Variants in ADCY8 observed in about 807,000 individuals in gnomAD.
The protein encoded by ADCY8 is adenylate cyclase 8.
Under a neutral mutation model 119.7 loss-of-function variants are expected in ADCY8, and 51 were observed. That is an observed-to-expected ratio of 0.43 (90% confidence interval 0.34 to 0.54). The LOEUF (loss-of-function observed/expected upper bound fraction) is 0.54. Ranked by LOEUF, ADCY8 falls within the 20% of genes least tolerant of loss-of-function variation. The pLI is 0.03. For synonymous variants in ADCY8, 665 were observed against 651.0 expected (o/e 1.02, Z -0.33); for missense variants, 1,383 against 1,598.8 (o/e 0.87, Z 2.30).
intron 1 of ADCY8, among the ~76,000 whole-genome samples, chr8:131,029,988 C>A (rs1823947923): frequency 6.6e-6 from 1 of 152,088 alleles, no homozygotes; most frequent in African/African-American, 2.4e-5. Context: ...GCTAGAGACA[C>A]AAAGATGGAT....
At chr8:130,953,174 A>C (rs1454448898) in intron 2 of ADCY8, among the ~76,000 whole-genome samples, 2 of 152,162 alleles carry the variant, frequency 1.3e-5, no homozygotes, top group Non-Finnish European at 2.9e-5. Context: ...TGAATAATAG[A>C]AAATAGGGTA....
rs76347898 is a variant in ADCY8 at position 131,011,788 on chromosome 8, C to A, written c.961-21246G>T. The stretch of plus-strand genomic sequence containing the variant: ...AAACCGTGGGATCCTCTGGTTCCAA[C>A]ACTGACTCTACCCCCCAGAAGCTGA... On this transcript the variant is annotated intron_variant, in intron 1 of 17. Transcript: ENST00000286355. Among the ~76,000 whole-genome samples, 1,501 of 152,242 alleles carry A rather than the reference C, an allele frequency of 9.9e-3. 29 individuals carry two copies. Among genetic ancestry groups the A allele is most frequent in the African/African-American group, 0.034 (1,427 of 41,538 alleles).
chr8:130,803,256 G>A (rs1046538730), intron 14 of ADCY8, among the ~76,000 whole-genome samples: 12 of 152,242 alleles, frequency 7.9e-5, no homozygotes, highest in East Asian at 7.7e-4. Flanking sequence ...TTCTGCCTCC[G>A]CTAACCATTT....
At position 130,846,888 on chromosome 8, in the gene ADCY8, T is replaced by TTTCCTTCCTTCCTTCC. The variant is rs767208726; in HGVS notation, c.2502+520_2502+535dup. On this transcript the variant is annotated intron_variant, in intron 11 of 17. Coordinates refer to ENST00000286355, the MANE Select transcript of ADCY8 (RefSeq NM_001115.3). ...CTCCCTTCCCTTCCCTTCCCTTCCC[T>TTTCCTTCCTTCCTTCC]TTCCTTCCTTCCTTCCTTCCTTCCT... Among the ~76,000 whole-genome samples the TTTCCTTCCTTCCTTCC allele has an allele frequency of 9.5e-3, 188 of 19,824 alleles. 2 individuals are homozygous for TTTCCTTCCTTCCTTCC. The highest frequency in any genetic ancestry group is 0.015 in the East Asian group (8 of 528). 13.0% of individuals were successfully genotyped at this position (19,824 alleles called of 152,430 possible).
chr8:130,822,535 AATCC>A (rs145398330), intron 12 of ADCY8, among the ~76,000 whole-genome samples: 28,182 of 138,420 alleles, frequency 0.2, 3,156 homozygotes, highest in East Asian at 0.39. Context: ...TGAATCCATG[AATCC>A]ATCCATCCAT....
At chr8:130,945,513 A>T (rs749001048) in intron 3 of ADCY8, among the ~76,000 whole-genome samples, 16 of 152,256 alleles carry the variant, frequency 1.1e-4, no homozygotes, top group Non-Finnish European at 2.2e-4. Context: ...TGTAAGCCCT[A>T]GCTCTGTAAA....
intron 11 of ADCY8, among the ~76,000 whole-genome samples, chr8:130,839,967 C>T (rs1412465894): frequency 2.9e-5 from 4 of 139,902 alleles, no homozygotes; most frequent in African/African-American, 9.8e-5. Context: ...AAGCTGAGGA[C>T]TTAAAGACAA....
chr8:130,780,898 G>A (rs759206621), intron 17 of ADCY8, 21 bp from the exon 18 acceptor site: 1 of 1,609,644 alleles, frequency 6.2e-7, no homozygotes, highest in Non-Finnish European at 8.5e-7. Context: ...AAGCAAAGGA[G>A]CAAGAAGTCA....
chr8:130,923,291 A>G (rs151322900), intron 5 of ADCY8, among the ~76,000 whole-genome samples: 297 of 152,312 alleles, frequency 1.9e-3, no homozygotes, highest in African/African-American at 6.6e-3. Context: ...ATAGAAAAAA[A>G]TAAAATGTAA....
chr8:130,994,242 C>A (rs967553236), intron 1 of ADCY8, among the ~76,000 whole-genome samples: 1 of 152,234 alleles, frequency 6.6e-6, no homozygotes, highest in East Asian at 1.9e-4. Context: ...GATTGTCTGC[C>A]CTGTGGGCTT....
In ADCY8 at chr8:130,909,806, C is replaced by T. The variant is rs373634507; in HGVS notation, c.1542G>A (p.Ser514=). The change falls in exon 6 of 18, where the codon TCG becomes TCA. Residue 514 remains serine (S), a synonymous_variant. Coordinates refer to ENST00000286355, the MANE Select transcript of ADCY8 (RefSeq NM_001115.3). The part of the protein sequence containing the change: ...VDMRIGIHSG[S]VLCGVLGLRK... ...TTAGTCCCAAAACACCGCACAGCAC[C>T]GAGCCGGAGTGGATTCCAATCCTCA... The T allele has an allele frequency of 5.6e-5, 90 of 1,614,176 alleles. No individual in the cohort carries two copies. In the East Asian group the frequency reaches 1.2e-3, roughly 22 times the overall value.
chr8:130,893,545 T>G (rs1819264769), intron 7 of ADCY8, among the ~76,000 whole-genome samples: 1 of 152,148 alleles, frequency 6.6e-6, no homozygotes, highest in Non-Finnish European at 1.5e-5. Context: ...CTGGAGAATT[T>G]TAGCTCAGGA....
At chr8:131,011,767 C>T (rs559731712) in intron 1 of ADCY8, among the ~76,000 whole-genome samples, 11 of 152,114 alleles carry the variant, frequency 7.2e-5, no homozygotes, top group East Asian at 1.9e-4. Context: ...GGCATAAAAC[C>T]GTGGGATCCT....
At chr8:130,790,417 C>T (rs1586414822) in intron 15 of ADCY8, among the ~76,000 whole-genome samples, 1 of 152,082 alleles carries the variant, frequency 6.6e-6, no homozygotes, top group Non-Finnish European at 1.5e-5. Context: ...AGTACACAAT[C>T]CCATTATAAA....
rs868051251 is a variant in ADCY8, at chr8:130,808,009, A to C, written c.2913+6060T>G. Among the ~76,000 whole-genome samples, 901 of 141,552 alleles carry C rather than the reference A, an allele frequency of 6.4e-3. 23 individuals are homozygous for C. Among genetic ancestry groups the C allele is most frequent in the African/African-American group, 0.024 (862 of 36,620 alleles). 92.9% of individuals were successfully genotyped at this position (141,552 alleles called of 152,430 possible). ...AAAAAAAAAAAAAAAAAAAAAAAAA[A>C]AAAAAAAAAAAATTGGCCAGTATCA... On this transcript the variant is annotated intron_variant, in intron 14 of 17. Coordinates refer to ENST00000286355, the MANE Select transcript of ADCY8 (RefSeq NM_001115.3).
At position 131,004,878 on chromosome 8, in the gene ADCY8, C is replaced by G. The variant is rs545490295; in HGVS notation, c.961-14336G>C. Reference sequence around the variant, plus strand: ...TGAAGGGAAGTGCACTTCTTCCCCCCTCAACTGGCTGGGATCATTCTGTGG... The same window carrying G: ...TGAAGGGAAGTGCACTTCTTCCCCCGTCAACTGGCTGGGATCATTCTGTGG... On this transcript the variant is annotated intron_variant, in intron 1 of 17. Coordinates refer to ENST00000286355, the MANE Select transcript of ADCY8 (RefSeq NM_001115.3). Among the ~76,000 whole-genome samples, 10 of 152,300 alleles carry G rather than the reference C, an allele frequency of 6.6e-5. No individual in the cohort carries two copies. In the East Asian group the frequency reaches 1.7e-3, roughly 26 times the overall value.
chr8:130,968,889 C>A (rs1821842542), intron 2 of ADCY8, among the ~76,000 whole-genome samples: 1 of 152,124 alleles, frequency 6.6e-6, no homozygotes. Flanking sequence ...TGCTAAGTAG[C>A]CCCCTTTGGA....
intron 7 of ADCY8, among the ~76,000 whole-genome samples, chr8:130,886,181 A>C (rs1372828249): frequency 2.0e-5 from 3 of 152,166 alleles, no homozygotes; most frequent in Non-Finnish European, 4.4e-5. Context: ...AGCAAGGCTC[A>C]TCACGGCTAG....
intron 5 of ADCY8, among the ~76,000 whole-genome samples, chr8:130,926,674 G>C (rs1278353752): frequency 6.6e-6 from 1 of 151,876 alleles, no homozygotes; most frequent in Admixed American, 6.6e-5. Flanking sequence ...TGTATAATAG[G>C]TCTTTTGAAT....
Sources: allele counts gnomAD v4.1 joint callset (sites outside exome capture counted in the v4.1 genomes callset), GRCh38; gene constraint gnomAD v4.1.1; transcripts MANE v1.5; gene names NCBI Gene and HGNC (gene_info 2026-07-23, HGNC 2026-07-21).